Variants in DGKZ observed in about 807,000 individuals in gnomAD.
The protein encoded by DGKZ is diacylglycerol kinase zeta.
DGKZ carries 45 observed loss-of-function variants against 142.5 expected under a neutral mutation model. The observed-to-expected ratio is 0.32, with a 90% CI of 0.25 to 0.40. The LOEUF (loss-of-function observed/expected upper bound fraction) is 0.40. Among genes scored for constraint, DGKZ ranks in the 10% least tolerant of loss-of-function variants. The pLI, the probability that DGKZ is intolerant of heterozygous loss-of-function variation, is 1.00. For missense variants in DGKZ, 755 were observed against 1,306.5 expected, an observed-to-expected ratio of 0.58 and a Z score of 6.51; for synonymous variants, 442 against 527.0, an observed-to-expected ratio of 0.84 and a Z score of 2.21.
Position 46,372,289 on chromosome 11 carries a change from G to A in DGKZ, c.927+119G>A. On this transcript the variant is annotated intron_variant, in intron 10 of 30. Coordinates refer to ENST00000527911, the Ensembl canonical transcript of DGKZ. This position sits in a 1 kb window ranked among gnomAD's most constrained non-coding sequence, Gnocchi z 5.9. ...TCTACCCCAATCCCTCTTTCCCAGG[G>A]ATCCTGAGAAAATCCTGTCCTTTCT... 2 of 1,334,620 alleles carry A rather than the reference G, an allele frequency of 1.5e-6. No homozygotes were observed. The highest frequency in any genetic ancestry group is 2.1e-6 in the Non-Finnish European group (2 of 963,198). 82.7% of individuals were successfully genotyped at this position (1,334,620 alleles called of 1,614,324 possible). A position where few individuals can be genotyped will look rare whatever the true frequency, so the allele number is the denominator to read the frequency against.
chr11:46,345,391 AAG>A (rs1163014891), upstream of DGKZ: 9 of 1,404,172 alleles, frequency 6.4e-6, no homozygotes, highest in African/African-American at 7.6e-5. The surrounding 1 kb of genome is among the most constrained non-coding windows in gnomAD (Gnocchi z 4.1). Flanking sequence ...CCGAAAGAGG[AAG>A]AGAGTCGCCG....
intron 7 of DGKZ, 26 bp downstream of exon 7, chr11:46,371,410 C>T (rs781571541): frequency 1.2e-6 from 2 of 1,612,218 alleles, no homozygotes; most frequent in Admixed American, 3.3e-5. Context: ...GCCCCCAGGG[C>T]CAGGCCCTGC....
chr11:46,366,666 G>C (rs937297890), intron 1 of DGKZ: 1 of 1,592,028 alleles, frequency 6.3e-7, no homozygotes. Flanking sequence ...ATCCAGCCAG[G>C]CACCAAGACA....
chr11:46,348,899 T>A (rs1471045811), intron 1 of DGKZ, among the ~76,000 whole-genome samples: 1 of 152,216 alleles, frequency 6.6e-6, no homozygotes, highest in Non-Finnish European at 1.5e-5. Flanking sequence ...TCTGACCACT[T>A]GGAGTCTGCC....
At chr11:46,371,645 G>A in intron 8 of DGKZ, 42 bp downstream of exon 8, 2 of 1,613,732 alleles carry the variant, frequency 1.2e-6, no homozygotes, top group Middle Eastern at 1.7e-4. Flanking sequence ...ACGCACTTGG[G>A]GTCTGCCAGC....
intron 1 of DGKZ, among the ~76,000 whole-genome samples, chr11:46,352,768 C>A (rs1260384186): frequency 1.3e-5 from 2 of 152,248 alleles, no homozygotes; most frequent in Non-Finnish European, 2.9e-5. Context: ...CTGGGCCACC[C>A]CTGAGCGGTG....
At chr11:46,352,028 G>C (rs553514124) in intron 1 of DGKZ, among the ~76,000 whole-genome samples, 7 of 152,354 alleles carry the variant, frequency 4.6e-5, no homozygotes, top group Admixed American at 2.0e-4. Flanking sequence ...CCCCTGGTGA[G>C]AGAAAGCTGA....
chr11:46,366,167 T>G (rs1433275318), intron 1 of DGKZ: 1 of 1,419,454 alleles, frequency 7.0e-7, no homozygotes, highest in Non-Finnish European at 9.1e-7. Context: ...GGGCAGAGGC[T>G]GTGAATGGGC....
chr11:46,367,392 A>G lies in DGKZ; in HGVS notation c.263A>G (p.Asp88Gly), dbSNP rs1329170193. 1 of 1,612,942 alleles carries G rather than the reference A, an allele frequency of 6.2e-7. No individual in the cohort carries two copies. Residue 88 changes from aspartate (D) to glycine (G), a missense_variant, in exon 2 of 31, where the codon GAC becomes GGC. This residue lies in a region of DGKZ where 81 missense variants were observed against 86.5 expected (regional missense o/e 0.94). Transcript: ENST00000527911. This position sits in a 1 kb window ranked among gnomAD's most constrained non-coding sequence, Gnocchi z 4.1. ...GAGCGGCAGATCCGGAGTACAGTGGACTGGAGCGTGAGTGCCTGAACACCC... is the reference window on the plus strand; with the variant it reads ...GAGCGGCAGATCCGGAGTACAGTGGGCTGGAGCGTGAGTGCCTGAACACCC...
rs145421965 is a variant in DGKZ, at chr11:46,360,099, A to G, written c.162-7192A>G. ...CTTCATATACTTCAACCAAAACAACATGTCACAACAGATTGAATGCAGGGA... is the reference window on the plus strand; with the variant it reads ...CTTCATATACTTCAACCAAAACAACGTGTCACAACAGATTGAATGCAGGGA... On this transcript the variant is annotated intron_variant, in intron 1 of 30. Coordinates refer to ENST00000527911, the Ensembl canonical transcript of DGKZ. Among the ~76,000 whole-genome samples, 618 of 152,304 alleles carry G rather than the reference A, an allele frequency of 4.1e-3. 2 individuals carry two copies. Among genetic ancestry groups the G allele is most frequent in the African/African-American group, 0.014 (589 of 41,566 alleles).
chr11:46,345,539 C>T (rs979671039), upstream of DGKZ: 4 of 1,524,672 alleles, frequency 2.6e-6, no homozygotes, highest in East Asian at 5.3e-5. The surrounding 1 kb of genome is among the most constrained non-coding windows in gnomAD (Gnocchi z 4.1). Context: ...GTGGCGCTAC[C>T]GCTCCTGGGA....
intron 1 of DGKZ, among the ~76,000 whole-genome samples, chr11:46,351,363 C>T (rs779316213): frequency 1.3e-5 from 2 of 152,070 alleles, no homozygotes; most frequent in South Asian, 2.1e-4. Context: ...GTCACAAGCT[C>T]CCAGAGGGCA....
chr11:46,360,631 C>CAAAA (rs1399623979), intron 1 of DGKZ, among the ~76,000 whole-genome samples: 4 of 151,910 alleles, frequency 2.6e-5, no homozygotes, highest in Non-Finnish European at 5.9e-5. Context: ...ACTAAAAATA[C>CAAAA]AAAAATTAGC....
At chr11:46,354,854 C>G (rs1031168328) in intron 1 of DGKZ, among the ~76,000 whole-genome samples, 3 of 152,166 alleles carry the variant, frequency 2.0e-5, no homozygotes, top group African/African-American at 7.2e-5. Context: ...GAGATTTAAC[C>G]ATCCTAAACA....
chr11:46,368,635 T>TA (rs1356682623), intron 4 of DGKZ: 3 of 235,584 alleles, frequency 1.3e-5, no homozygotes, highest in African/African-American at 6.9e-5. Flanking sequence ...ACTGTAAGAC[T>TA]AGGAGTGGTT....
Position 46,372,008 on chromosome 11 carries a change from C to A in DGKZ, c.832-67C>A. ...GAGGGAACAAAGTCACCCAGGGGGC[C>A]TGCTAAGGATGATGGTAGGGTGTCC... is the stretch of plus-strand genomic sequence containing the variant. On this transcript the variant is annotated intron_variant, in intron 9 of 30. Transcript: ENST00000527911. This position sits in a 1 kb window ranked among gnomAD's most constrained non-coding sequence, Gnocchi z 5.9. 3 of 1,466,290 alleles carry A rather than the reference C, an allele frequency of 2.0e-6. No individual in the cohort carries two copies. The highest frequency in any genetic ancestry group is 9.4e-7 in the Non-Finnish European group (1 of 1,068,468). The allele number at this position is 1,466,290 out of a possible 1,614,324, so 90.8% of individuals were successfully genotyped here.
chr11:46,340,348 CA>C (rs1384646032), intron 1 of DGKZ, among the ~76,000 whole-genome samples: 5 of 152,184 alleles, frequency 3.3e-5, no homozygotes, highest in African/African-American at 1.2e-4. Context: ...GCAGGAGACA[CA>C]CTGACCGTGT....
intron 19 of DGKZ, 134 bp from the exon 20 acceptor site, chr11:46,375,298 C>A (rs934015084): frequency 9.5e-6 from 10 of 1,052,002 alleles, no homozygotes; most frequent in African/African-American, 3.2e-5. Context: ...TCTCAGCCTC[C>A]CCTCTGCCCT....
At chr11:46,376,631 G>A (rs375446297) in intron 24 of DGKZ, 67 bp downstream of exon 24, 10 of 1,591,522 alleles carry the variant, frequency 6.3e-6, no homozygotes, top group African/African-American at 2.7e-5. Flanking sequence ...CTCCTGGGAC[G>A]CCTTCCCTGT....
Sources: allele counts gnomAD v4.1 joint callset (sites outside exome capture counted in the v4.1 genomes callset), GRCh38; gene constraint gnomAD v4.1.1; regional missense constraint gnomAD v4.1.1; non-coding constraint Gnocchi (gnomAD v3.1); transcripts MANE v1.5; gene names NCBI Gene and HGNC (gene_info 2026-07-23, HGNC 2026-07-21).